Variants in SGCZ observed in about 807,000 individuals in gnomAD.
SGCZ encodes the protein sarcoglycan zeta.
SGCZ carries 40 observed loss-of-function variants against 41.3 expected under a neutral mutation model. The ratio of observed to expected loss-of-function variants is 0.97; its 90% CI spans 0.75 to 1.26. The LOEUF (loss-of-function observed/expected upper bound fraction) is 1.26, where lower values mean the gene tolerates loss of function less well. Ranked by LOEUF, SGCZ falls within the 50% of genes most tolerant of loss-of-function variation. SGCZ has a pLI of 0.00. For missense variants in SGCZ, 552 were observed against 369.8 expected (o/e 1.49, Z -4.04); for synonymous variants, 206 against 137.5 (o/e 1.50, Z -3.49).
chr8:14,496,159 G>A (rs540776767), intron 2 of SGCZ, among the ~76,000 whole-genome samples: 1 of 151,336 alleles, frequency 6.6e-6, no homozygotes, highest in Non-Finnish European at 1.5e-5. Context: ...TCAAACTCTT[G>A]GCCTCAGGCA....
chr8:14,975,224 T>G (rs1025104846), intron 1 of SGCZ, among the ~76,000 whole-genome samples: 2 of 152,182 alleles, frequency 1.3e-5, no homozygotes, highest in African/African-American at 4.8e-5. Flanking sequence ...GAGAATCATT[T>G]GAACCCGGGA....
chr8:14,818,659 G>C (rs981961563), intron 1 of SGCZ, among the ~76,000 whole-genome samples: 3 of 151,822 alleles, frequency 2.0e-5, no homozygotes, highest in Non-Finnish European at 2.9e-5. Context: ...GAGATACAAA[G>C]GAACACAAAC....
chr8:14,472,849 A>G (rs1344154612), intron 2 of SGCZ, among the ~76,000 whole-genome samples: 1 of 152,132 alleles, frequency 6.6e-6, no homozygotes, highest in Non-Finnish European at 1.5e-5. Context: ...AAAACAAAAA[A>G]AGGTTATATT....
intron 3 of SGCZ, among the ~76,000 whole-genome samples, chr8:14,257,648 A>T (rs1256912884): frequency 7.1e-6 from 1 of 141,050 alleles, no homozygotes; most frequent in East Asian, 2.1e-4. Flanking sequence ...CCGCCCTATG[A>T]CAGGCCCAGG....
chr8:14,586,175 C>T (rs780522332), intron 1 of SGCZ, among the ~76,000 whole-genome samples: 9 of 151,970 alleles, frequency 5.9e-5, no homozygotes, highest in Non-Finnish European at 7.4e-5. Context: ...TAATTGAAAA[C>T]GTATGCTGCA....
intron 1 of SGCZ, among the ~76,000 whole-genome samples, chr8:14,662,736 G>A (rs1807794252): frequency 6.6e-6 from 1 of 152,078 alleles, no homozygotes; most frequent in Non-Finnish European, 1.5e-5. Context: ...TTTAAGATGG[G>A]GAGATTATCC....
intron 2 of SGCZ, among the ~76,000 whole-genome samples, chr8:14,420,346 C>G (rs1431280115): frequency 6.6e-6 from 1 of 152,030 alleles, no homozygotes; most frequent in Non-Finnish European, 1.5e-5. Context: ...CTAATTATTG[C>G]TATTCACAAT....
At chr8:14,656,216 ATCCAGAGATAAAGTGTTT>A (rs1807563376) in intron 1 of SGCZ, among the ~76,000 whole-genome samples, 1 of 82,358 alleles carries the variant, frequency 1.2e-5, no homozygotes, top group Non-Finnish European at 2.8e-5. Context: ...AAGTGTCTTT[ATCCAGAGATAAAGTGTTT>A]CCACATCCTC....
intron 2 of SGCZ, among the ~76,000 whole-genome samples, chr8:14,361,855 A>T (rs1803526036): frequency 6.6e-6 from 1 of 152,030 alleles, no homozygotes; most frequent in African/African-American, 2.4e-5. Context: ...TGACCTACAG[A>T]TGGGGTTTTG....
At chr8:14,963,848 T>G (rs919732659) in intron 1 of SGCZ, among the ~76,000 whole-genome samples, 1 of 152,186 alleles carries the variant, frequency 6.6e-6, no homozygotes, top group Admixed American at 6.5e-5. Context: ...CCCCAAAGTT[T>G]CACGCTTTCC....
intron 3 of SGCZ, among the ~76,000 whole-genome samples, chr8:14,311,594 T>C: frequency 6.6e-6 from 1 of 152,296 alleles, no homozygotes; most frequent in East Asian, 1.9e-4. Context: ...CATTCTACGA[T>C]CTAATTTACC....
intron 1 of SGCZ, among the ~76,000 whole-genome samples, chr8:14,643,502 T>A (rs1002448958): frequency 6.6e-6 from 1 of 150,484 alleles, no homozygotes. Context: ...AATGAGCAGA[T>A]GCGAAGAAAG....
intron 2 of SGCZ, among the ~76,000 whole-genome samples, chr8:14,365,185 G>A (rs1340176143): frequency 2.6e-5 from 4 of 151,646 alleles, no homozygotes; most frequent in Non-Finnish European, 5.9e-5. Context: ...TATTCAAGCT[G>A]GACTTACCTA....
At chr8:14,944,411 T>G (rs533574285) in intron 1 of SGCZ, among the ~76,000 whole-genome samples, 144 of 152,316 alleles carry the variant, frequency 9.5e-4, no homozygotes, top group African/African-American at 2.7e-3. Flanking sequence ...TGTTGGAGTA[T>G]GATTTTCATA....
intron 1 of SGCZ, among the ~76,000 whole-genome samples, chr8:14,788,873 A>G (rs1032450844): frequency 1.3e-5 from 2 of 152,156 alleles, no homozygotes; most frequent in African/African-American, 4.8e-5. Context: ...TGCTTTGGGT[A>G]GCCAAGGTAG....
intron 2 of SGCZ, among the ~76,000 whole-genome samples, chr8:14,493,192 C>T (rs1801891520): frequency 6.6e-6 from 1 of 151,928 alleles, no homozygotes. Context: ...AAATAGTGTT[C>T]AAGCAGTACA....
chr8:14,579,445 T>C (rs1804814773), intron 1 of SGCZ, among the ~76,000 whole-genome samples: 1 of 152,170 alleles, frequency 6.6e-6, no homozygotes, highest in South Asian at 2.1e-4. Context: ...ATCTTGTACA[T>C]TTTTTCTGAA....
intron 1 of SGCZ, among the ~76,000 whole-genome samples, chr8:14,609,367 G>C (rs970408287): frequency 3.3e-4 from 50 of 152,006 alleles, no homozygotes; most frequent in African/African-American, 1.0e-3. Flanking sequence ...CCAAACAAAA[G>C]TTTCCAAGTA....
intron 2 of SGCZ, among the ~76,000 whole-genome samples, chr8:14,424,248 G>T (rs368528905): frequency 1.2e-4 from 18 of 152,066 alleles, no homozygotes; most frequent in Non-Finnish European, 2.5e-4. Context: ...TTATGAACAG[G>T]CTTCTCTGCA....
Sources: allele counts gnomAD v4.1 joint callset (sites outside exome capture counted in the v4.1 genomes callset), GRCh38; gene constraint gnomAD v4.1.1; transcripts MANE v1.5; gene names NCBI Gene and HGNC (gene_info 2026-07-23, HGNC 2026-07-21).